The following MAP3K5 variants were observed in gnomAD, a reference collection of about 807,000 sequenced individuals.
MAP3K5 encodes the protein ASK-1.
Under a neutral mutation model 158.7 loss-of-function variants are expected in MAP3K5, and 56 were observed. That is an observed-to-expected ratio of 0.35 (90% CI 0.28 to 0.44). The LOEUF is 0.44. MAP3K5 is among the 20% of genes least tolerant of loss of function. MAP3K5 has a pLI of 1.00. For synonymous variants in MAP3K5, 579 were observed against 601.7 expected, an observed-to-expected ratio of 0.96 and a Z score of 0.55; for missense variants, 1,294 against 1,674.8, an observed-to-expected ratio of 0.77 and a Z score of 3.97.
At chr6:136,638,007 C>T (rs184671424) in intron 13 of MAP3K5, among the ~76,000 whole-genome samples, 199 of 152,148 alleles carry the variant, frequency 1.3e-3, no homozygotes, top group Non-Finnish European at 2.3e-3. Flanking sequence ...TGATGATGAA[C>T]AAAGTCTATC....
At chr6:136,790,964 T>C (rs774057216) in intron 1 of MAP3K5, among the ~76,000 whole-genome samples, 7 of 152,226 alleles carry the variant, frequency 4.6e-5, no homozygotes, top group Non-Finnish European at 7.3e-5. Flanking sequence ...ATGGCGAAAC[T>C]AATCTTATTA....
intron 1 of MAP3K5, among the ~76,000 whole-genome samples, chr6:136,785,162 G>A (rs1188295831): frequency 6.6e-6 from 1 of 152,182 alleles, no homozygotes; most frequent in Admixed American, 6.5e-5. Flanking sequence ...TGGGATACAA[G>A]GTTATGTTCT....
intron 25 of MAP3K5, among the ~76,000 whole-genome samples, chr6:136,572,268 T>A: frequency 6.6e-6 from 1 of 152,264 alleles, no homozygotes. Context: ...AAACTGATTT[T>A]TTTTTTTAAG....
intron 7 of MAP3K5, among the ~76,000 whole-genome samples, chr6:136,677,457 T>G (rs377011035): frequency 6.6e-6 from 1 of 152,298 alleles, no homozygotes; most frequent in African/African-American, 2.4e-5. Context: ...TAACTGAAGA[T>G]GCTATCTCAG....
At position 136,595,826 on chromosome 6, in the gene MAP3K5, A is replaced by G. The variant is rs142359099; in HGVS notation, c.2879-3212T>C. Among the ~76,000 whole-genome samples the G allele has an allele frequency of 1.6e-3, 251 of 152,252 alleles. 1 individual carries two copies. Among genetic ancestry groups the G allele is most frequent in the Non-Finnish European group, 2.7e-3 (185 of 68,026 alleles). On this transcript the variant is annotated intron_variant, in intron 21 of 29. Coordinates refer to ENST00000359015, the MANE Select transcript of MAP3K5 (RefSeq NM_005923.4). ...CATGTTGGGAGTTCAAGACACCAAC[A>G]TGGTGAAACCTCGCTTCTACTAAAA... is the stretch of plus-strand genomic sequence containing the variant.
intron 29 of MAP3K5, among the ~76,000 whole-genome samples, chr6:136,558,570 C>CA (rs869165631): frequency 6.6e-6 from 1 of 151,998 alleles, no homozygotes; most frequent in African/African-American, 2.4e-5. Context: ...GCATCTTATT[C>CA]AAAAAAATTC....
At chr6:136,679,707 C>T (rs1309648295) in intron 7 of MAP3K5, among the ~76,000 whole-genome samples, 1 of 152,108 alleles carries the variant, frequency 6.6e-6, no homozygotes, top group Non-Finnish European at 1.5e-5. Context: ...AAAAGAGAAT[C>T]ACCCTATTTT....
intron 1 of MAP3K5, among the ~76,000 whole-genome samples, chr6:136,735,874 A>C (rs563418282): frequency 6.6e-6 from 1 of 152,334 alleles, no homozygotes; most frequent in African/African-American, 2.4e-5. Flanking sequence ...CCTATGTTAA[A>C]AAATAAAGAA....
chr6:136,701,868 A>G (rs1490102910), intron 3 of MAP3K5, among the ~76,000 whole-genome samples: 1 of 152,208 alleles, frequency 6.6e-6, no homozygotes, highest in African/African-American at 2.4e-5. Context: ...AGCCTCAGAA[A>G]CCTTGATACT....
At chr6:136,696,156 A>C in intron 5 of MAP3K5, 99 bp from the exon 6 acceptor site, 1 of 658,066 alleles carries the variant, frequency 1.5e-6, no homozygotes, top group East Asian at 2.7e-5. Flanking sequence ...TTCAAGAAAC[A>C]CATTAAAAAG....
At chr6:136,619,667 T>C (rs1583283928) in intron 15 of MAP3K5, among the ~76,000 whole-genome samples, 1 of 151,582 alleles carries the variant, frequency 6.6e-6, no homozygotes, top group African/African-American at 2.4e-5. Flanking sequence ...GGACTAGGAG[T>C]GGAGGAAAGA....
At position 136,779,442 on chromosome 6, in the gene MAP3K5, CA is replaced by C. The variant is rs35110376; in HGVS notation, c.448+12267del. On this transcript the variant is annotated intron_variant, in intron 1 of 29. Coordinates refer to ENST00000359015, the MANE Select transcript of MAP3K5 (RefSeq NM_005923.4). ...TGGGCAACAGAGTGACACCCTGTCT[CA>C]AAAAAAAAAAAAAAAAAAGATTAAA... Among the ~76,000 whole-genome samples, 769 of 101,018 alleles carry C rather than the reference CA, an allele frequency of 7.6e-3. 3 individuals are homozygous for C. Among genetic ancestry groups the C allele is most frequent in the Non-Finnish European group, 7.7e-3 (395 of 51,610 alleles). The allele number at this position is 101,018 out of a possible 152,430, so 66.3% of individuals were successfully genotyped here.
At chr6:136,651,547 T>C (rs538219347) in intron 10 of MAP3K5, among the ~76,000 whole-genome samples, 18 of 152,324 alleles carry the variant, frequency 1.2e-4, no homozygotes, top group African/African-American at 3.8e-4. Flanking sequence ...TGTAGTAGTA[T>C]GGTTTTCATA....
chr6:136,588,061 G>T (rs1775216151), intron 23 of MAP3K5, among the ~76,000 whole-genome samples: 1 of 152,120 alleles, frequency 6.6e-6, no homozygotes, highest in Admixed American at 6.6e-5. Flanking sequence ...AGAGATTTAG[G>T]CAATTCCTGG....
At chr6:136,749,630 C>A (rs939011158) in intron 1 of MAP3K5, among the ~76,000 whole-genome samples, 1 of 152,090 alleles carries the variant, frequency 6.6e-6, no homozygotes. Flanking sequence ...CTGACACCCA[C>A]AGCACCATAT....
chr6:136,659,795 T>A (rs540773745), intron 8 of MAP3K5, among the ~76,000 whole-genome samples: 1 of 152,212 alleles, frequency 6.6e-6, no homozygotes, highest in Non-Finnish European at 1.5e-5. Context: ...AGGTGAATAG[T>A]GGTGTTGGCT....
intron 25 of MAP3K5, among the ~76,000 whole-genome samples, chr6:136,571,432 C>T (rs578000545): frequency 6.6e-6 from 1 of 152,180 alleles, no homozygotes; most frequent in African/African-American, 2.4e-5. Flanking sequence ...GAATAAGCCA[C>T]TGGGTGCCAC....
intron 1 of MAP3K5, among the ~76,000 whole-genome samples, chr6:136,761,990 A>G (rs930084242): frequency 2.1e-4 from 32 of 152,342 alleles, no homozygotes; most frequent in African/African-American, 7.5e-4. Flanking sequence ...GAAAATTAAA[A>G]TGAGTAGAGC....
At chr6:136,593,400 G>A (rs753469228) in intron 21 of MAP3K5, among the ~76,000 whole-genome samples, 1 of 152,182 alleles carries the variant, frequency 6.6e-6, no homozygotes, top group Non-Finnish European at 1.5e-5. Flanking sequence ...GAAAGAGTAG[G>A]AGGATCTCAT....
Sources: gnomAD v4.1 joint callset for allele counts (sites outside exome capture counted in the v4.1 genomes callset) on GRCh38, gnomAD v4.1.1 for gene constraint, MANE v1.5 for transcripts, NCBI Gene and HGNC (gene_info 2026-07-23, HGNC 2026-07-21) for gene names.